The following PHF24 variants were observed in gnomAD, a reference collection of about 807,000 sequenced individuals.
The protein encoded by PHF24 is Galpha inhibitory interacting protein.
Under a neutral mutation model 42.6 loss-of-function variants are expected in PHF24, and 25 were observed. The ratio of observed to expected loss-of-function variants is 0.59; its 90% confidence interval spans 0.43 to 0.82. The LOEUF (loss-of-function observed/expected upper bound fraction) is 0.82. PHF24 is among the 40% of genes least tolerant of loss of function. The pLI, the probability that PHF24 is intolerant of heterozygous loss-of-function variation, is 0.00. For missense variants in PHF24, 470 were observed against 538.1 expected, an observed-to-expected ratio of 0.87 and a Z score of 1.25; for synonymous variants, 185 against 204.8, an observed-to-expected ratio of 0.90 and a Z score of 0.83.
chr9:34,687,464 C>A, the PHF24 span, among the ~76,000 whole-genome samples: 3 of 152,074 alleles, frequency 2.0e-5, no homozygotes, highest in Non-Finnish European at 4.4e-5. Flanking sequence ...TCTCCGGGTG[C>A]AGAGTGGAAA....
the PHF24 span, among the ~76,000 whole-genome samples, chr9:34,673,494 G>A: frequency 1.3e-5 from 2 of 151,850 alleles, no homozygotes; most frequent in African/African-American, 4.8e-5. Flanking sequence ...TTTTTAAGAT[G>A]GAGCCTCGCT....
chr9:34,679,466 G>A, the PHF24 span, among the ~76,000 whole-genome samples: 1 of 152,100 alleles, frequency 6.6e-6, no homozygotes, highest in African/African-American at 2.4e-5. Flanking sequence ...CCCCATTCAG[G>A]GTGATCCTGA....
At chr9:34,692,716 C>T in the PHF24 span, among the ~76,000 whole-genome samples, 2 of 152,002 alleles carry the variant, frequency 1.3e-5, no homozygotes, top group Non-Finnish European at 2.9e-5. Flanking sequence ...AGTGAGGAAC[C>T]CTGAGTAAAG....
At chr9:34,910,358 G>C in the PHF24 span, among the ~76,000 whole-genome samples, 2 of 151,856 alleles carry the variant, frequency 1.3e-5, no homozygotes, top group African/African-American at 4.8e-5. Context: ...AAGTCACTCT[G>C]TTATTACGTG....
the PHF24 span, among the ~76,000 whole-genome samples, chr9:34,700,990 C>T: frequency 6.6e-6 from 1 of 152,142 alleles, no homozygotes; most frequent in Admixed American, 6.5e-5. Flanking sequence ...CAGTTTCTGA[C>T]CACAGGTACA....
the PHF24 span, among the ~76,000 whole-genome samples, chr9:34,822,061 A>G: frequency 6.6e-6 from 1 of 152,168 alleles, no homozygotes; most frequent in Admixed American, 6.5e-5. Context: ...CTACTTCTGT[A>G]TCTCCTGGCA....
chr9:34,845,379 G>C, the PHF24 span, among the ~76,000 whole-genome samples: 2 of 152,012 alleles, frequency 1.3e-5, no homozygotes, highest in East Asian at 3.9e-4. Context: ...TTGTTTACTA[G>C]TTGTTTTATA....
chr9:34,682,841 G>A, the PHF24 span, among the ~76,000 whole-genome samples: 10 of 152,304 alleles, frequency 6.6e-5, no homozygotes, highest in East Asian at 1.9e-3. Flanking sequence ...GGTGGTAGCC[G>A]TGGTGGTGAA....
At chr9:34,801,651 T>C in the PHF24 span, among the ~76,000 whole-genome samples, 49,485 of 151,564 alleles carry the variant, frequency 0.33, 8,671 homozygotes, top group East Asian at 0.56. Context: ...GGCGTGAACC[T>C]GGGAGGCAGA....
At chr9:34,720,423 G>A in the PHF24 span, among the ~76,000 whole-genome samples, 2 of 146,022 alleles carry the variant, frequency 1.4e-5, no homozygotes. Context: ...CCGCAGTCCG[G>A]CCTGGGCGAC....
At chr9:34,764,606 T>C in the PHF24 span, among the ~76,000 whole-genome samples, 2 of 152,158 alleles carry the variant, frequency 1.3e-5, no homozygotes, top group African/African-American at 4.8e-5. Context: ...TTTATTAGTC[T>C]TGCTAGCGGT....
chr9:34,828,924 T>TATCTATATCTATATCTATATCTAC, the PHF24 span, among the ~76,000 whole-genome samples: 1 of 151,688 alleles, frequency 6.6e-6, no homozygotes, highest in Non-Finnish European at 1.5e-5. Flanking sequence ...TCTATATCTA[T>TATCTATATCTATATCTATATCTAC]ATCTATATCT....
chr9:34,779,187 G>A, the PHF24 span, among the ~76,000 whole-genome samples: 1 of 151,670 alleles, frequency 6.6e-6, no homozygotes, highest in African/African-American at 2.4e-5. Context: ...TGTGAAACTG[G>A]AAAAAGAAGA....
chr9:34,703,918 T>G, the PHF24 span, among the ~76,000 whole-genome samples: 1 of 151,984 alleles, frequency 6.6e-6, no homozygotes, highest in Non-Finnish European at 1.5e-5. Context: ...TGAGGCTTGT[T>G]TGTTTTTCAC....
the PHF24 span, among the ~76,000 whole-genome samples, chr9:34,935,931 TAG>T: frequency 6.6e-6 from 1 of 151,932 alleles, no homozygotes; most frequent in South Asian, 2.1e-4. Flanking sequence ...TGGTAAGGGA[TAG>T]AGTTTCAGCA....
the PHF24 span, among the ~76,000 whole-genome samples, chr9:34,716,854 C>G: frequency 2.6e-5 from 4 of 152,178 alleles, no homozygotes; most frequent in Non-Finnish European, 2.9e-5. Flanking sequence ...AGCGATCTGC[C>G]CACCTCAGCC....
chr9:34,849,847 TC>T, the PHF24 span, among the ~76,000 whole-genome samples: 1 of 152,166 alleles, frequency 6.6e-6, no homozygotes, highest in African/African-American at 2.4e-5. Flanking sequence ...ATTTTATTTC[TC>T]CTTCACTTAT....
At chr9:34,980,591 C>T (rs1031594807) in exon 8 of PHF24, 22 of 152,294 alleles carry the variant, frequency 1.4e-4, no homozygotes, top group African/African-American at 4.8e-4. Flanking sequence ...CCCCAACCCC[C>T]GTCCAGAATC....
At chr9:34,690,493 G>T in the PHF24 span, 2 of 720,576 alleles carry the variant, frequency 2.8e-6, no homozygotes, top group Non-Finnish European at 4.6e-6. Context: ...GGAGGAGTTA[G>T]ACCTGGTATT....
Sources: allele counts gnomAD v4.1 joint callset (sites outside exome capture counted in the v4.1 genomes callset), GRCh38; gene constraint gnomAD v4.1.1; transcripts MANE v1.5; gene names NCBI Gene and HGNC (gene_info 2026-07-23, HGNC 2026-07-21).